The following ZEB1 variants were observed in gnomAD, a reference collection of about 807,000 sequenced individuals.
The protein encoded by ZEB1 is zinc finger E-box-binding homeobox 1.
Under a neutral mutation model 84.9 loss-of-function variants are expected in ZEB1, and 21 were observed. The ratio of observed to expected loss-of-function variants is 0.25; its 90% CI spans 0.18 to 0.36. The LOEUF is 0.36. ZEB1 is among the 10% of genes least tolerant of loss of function. The pLI is 1.00. For missense variants in ZEB1, 1,104 were observed against 1,330.2 expected (o/e 0.83, Z 2.65); for synonymous variants, 420 against 471.1 (o/e 0.89, Z 1.41).
At chr10:31,414,973 T>G (rs1166053040) in intron 1 of ZEB1, among the ~76,000 whole-genome samples, 1 of 152,194 alleles carries the variant, frequency 6.6e-6, no homozygotes, top group Admixed American at 6.5e-5. Flanking sequence ...GGGATCAGAC[T>G]CACTCACAGA....
chr10:31,435,915 A>G (rs1423138002), intron 1 of ZEB1, among the ~76,000 whole-genome samples: 2 of 152,220 alleles, frequency 1.3e-5, no homozygotes, highest in Non-Finnish European at 2.9e-5. Context: ...AGGCGGAAGC[A>G]AACTAGTGGC....
At chr10:31,348,385 G>A (rs2040699704) in intron 1 of ZEB1, among the ~76,000 whole-genome samples, 1 of 151,938 alleles carries the variant, frequency 6.6e-6, no homozygotes, top group Non-Finnish European at 1.5e-5. Flanking sequence ...CCAACATAGC[G>A]AAACCCCATC....
chr10:31,465,187 C>A (rs2062249590), intron 2 of ZEB1, among the ~76,000 whole-genome samples: 1 of 151,626 alleles, frequency 6.6e-6, no homozygotes, highest in South Asian at 2.1e-4. Context: ...TCTTGTAACT[C>A]TAATATAAAA....
chr10:31,509,280 C>T (rs182584809), intron 4 of ZEB1, among the ~76,000 whole-genome samples: 5 of 152,274 alleles, frequency 3.3e-5, no homozygotes, highest in Admixed American at 2.0e-4. Context: ...TCAGAGCCCA[C>T]GATGGTCCAG....
chr10:31,333,214 C>T (rs2037182805), intron 1 of ZEB1, among the ~76,000 whole-genome samples: 1 of 152,084 alleles, frequency 6.6e-6, no homozygotes, highest in Admixed American at 6.5e-5. Flanking sequence ...GGTTTCACAG[C>T]AACACTCCCA....
chr10:31,464,023 A>G (rs557683462), intron 2 of ZEB1, among the ~76,000 whole-genome samples: 27 of 152,360 alleles, frequency 1.8e-4, no homozygotes, highest in African/African-American at 6.3e-4. Context: ...CTGCTATGAT[A>G]TGATAAAATA....
intron 1 of ZEB1, among the ~76,000 whole-genome samples, chr10:31,412,722 T>A (rs972998051): frequency 6.6e-6 from 1 of 152,168 alleles, no homozygotes; most frequent in Non-Finnish European, 1.5e-5. Context: ...ATTGGCTTGG[T>A]TTTTTATTTC....
intron 8 of ZEB1, among the ~76,000 whole-genome samples, chr10:31,525,107 T>G (rs2073172767): frequency 6.6e-6 from 1 of 152,236 alleles, no homozygotes; most frequent in African/African-American, 2.4e-5. Context: ...ATGAAAATTA[T>G]GTGAAAGTCA....
intron 1 of ZEB1, among the ~76,000 whole-genome samples, chr10:31,454,368 C>T (rs1020074266): frequency 6.6e-6 from 1 of 152,144 alleles, no homozygotes; most frequent in Non-Finnish European, 1.5e-5. Context: ...AAGATGCCCT[C>T]TCTCACCACT....
At chr10:31,387,376 G>GA (rs2048813422) in intron 1 of ZEB1, 10 of 911,726 alleles carry the variant, frequency 1.1e-5, no homozygotes, top group Non-Finnish European at 1.2e-5. Flanking sequence ...GCACAGAAGG[G>GA]AGGCCCTACC....
At chr10:31,480,261 A>T (rs1287617215) in intron 2 of ZEB1, among the ~76,000 whole-genome samples, 1 of 152,046 alleles carries the variant, frequency 6.6e-6, no homozygotes, top group Non-Finnish European at 1.5e-5. Flanking sequence ...TTTTATGTTA[A>T]AAATGTTTAA....
intron 6 of ZEB1, among the ~76,000 whole-genome samples, chr10:31,516,454 A>G (rs2139669614): frequency 6.7e-6 from 1 of 149,374 alleles, no homozygotes; most frequent in South Asian, 2.2e-4. Flanking sequence ...AATGCCATAC[A>G]TATGCTGGAA....
intron 1 of ZEB1, among the ~76,000 whole-genome samples, chr10:31,404,414 A>G (rs2135554734): frequency 6.6e-6 from 1 of 152,266 alleles, no homozygotes; most frequent in Admixed American, 6.5e-5. Context: ...CCAACTTTGT[A>G]GCCTTGAAAT....
At chr10:31,471,758 A>AT (rs1200919639) in intron 2 of ZEB1, among the ~76,000 whole-genome samples, 6 of 141,886 alleles carry the variant, frequency 4.2e-5, no homozygotes, top group Non-Finnish European at 6.0e-5. Flanking sequence ...CAGAATATAC[A>AT]TTTTTTTCAG....
chr10:31,473,879 T>A (rs934391657), intron 2 of ZEB1, among the ~76,000 whole-genome samples: 13 of 150,802 alleles, frequency 8.6e-5, no homozygotes, highest in Admixed American at 4.0e-4. Context: ...TCAATGGAAC[T>A]GAACAGAGCC....
At chr10:31,338,906 T>C (rs2038796304) in intron 1 of ZEB1, among the ~76,000 whole-genome samples, 1 of 152,120 alleles carries the variant, frequency 6.6e-6, no homozygotes, top group Admixed American at 6.5e-5. Flanking sequence ...AAATCATTTA[T>C]GGGAGAGTGA....
chr10:31,491,718 T>G (rs1361160708), intron 2 of ZEB1, among the ~76,000 whole-genome samples: 2 of 151,916 alleles, frequency 1.3e-5, no homozygotes, highest in African/African-American at 4.8e-5. Flanking sequence ...CTAGATTCAG[T>G]AGCAGACATA....
intron 1 of ZEB1, among the ~76,000 whole-genome samples, chr10:31,347,361 A>G (rs769741864): frequency 6.6e-6 from 1 of 152,112 alleles, no homozygotes; most frequent in South Asian, 2.1e-4. Flanking sequence ...TTTGTTTAGC[A>G]TATATCTGTG....
At chr10:31,387,664 C>T (rs752304173) in intron 1 of ZEB1, 3 of 757,780 alleles carry the variant, frequency 4.0e-6, no homozygotes, top group Non-Finnish European at 4.8e-6. Context: ...ATAGAGCCAG[C>T]TGTGAAGAAT....
Sources: gnomAD v4.1 joint callset for allele counts (sites outside exome capture counted in the v4.1 genomes callset) on GRCh38, gnomAD v4.1.1 for gene constraint, MANE v1.5 for transcripts, NCBI Gene and HGNC (gene_info 2026-07-23, HGNC 2026-07-21) for gene names.